The following HDAC9 variants were observed in gnomAD, a reference collection of about 807,000 sequenced individuals.
HDAC9 encodes the protein MEF-2 interacting transcription repressor (MITR) protein.
A neutral mutation model predicts 139.4 loss-of-function variants in HDAC9; 41 were observed. That is an observed-to-expected ratio of 0.29 (90% CI 0.23 to 0.38). HDAC9 has a LOEUF of 0.38. Among genes scored for constraint, HDAC9 ranks in the 10% least tolerant of loss-of-function variants. The pLI, the probability that HDAC9 is intolerant of heterozygous loss-of-function variation, is 1.00. For synonymous variants in HDAC9, 517 were observed against 476.2 expected, an observed-to-expected ratio of 1.09 and a Z score of -1.12; for missense variants, 1,147 against 1,297.0, an observed-to-expected ratio of 0.88 and a Z score of 1.78.
intron 7 of HDAC9, among the ~76,000 whole-genome samples, chr7:18,630,793 G>A (rs1288878919): frequency 1.3e-5 from 2 of 151,886 alleles, no homozygotes; most frequent in Admixed American, 6.6e-5. Context: ...AAAATCTTAG[G>A]TTTTTCTAAT....
rs1562892484 is a variant in HDAC9 at position 18,732,752 on chromosome 7, CACACACGTGTATGTGTGCGTATGTGT to C, written c.1909+5002_1909+5027del. Among the ~76,000 whole-genome samples the C allele has an allele frequency of 2.0e-3, 188 of 95,682 alleles. 7 individuals are homozygous for C. The highest frequency in any genetic ancestry group is 2.5e-3 in the Non-Finnish European group (128 of 51,822). 62.8% of individuals were successfully genotyped at this position (95,682 alleles called of 152,430 possible). ...ACACGTGTATGTGTGCGTATGTGTA[CACACACGTGTATGTGTGCGTATGTGT>C]ACACACACGTGTGTTTGTGTGCGTA... On this transcript the variant is annotated intron_variant, in intron 13 of 25. Transcript: ENST00000686413.
intron 1 of HDAC9, among the ~76,000 whole-genome samples, chr7:18,329,497 C>T (rs577282217): frequency 2.0e-5 from 3 of 149,856 alleles, no homozygotes; most frequent in African/African-American, 7.4e-5. Context: ...TGGTAAGTGT[C>T]GGCTTAAGAG....
intron 7 of HDAC9, among the ~76,000 whole-genome samples, chr7:18,634,178 G>A (rs902017703): frequency 1.3e-5 from 2 of 152,010 alleles, no homozygotes; most frequent in African/African-American, 4.8e-5. Flanking sequence ...ACAATTTACA[G>A]CACAGCATTT....
intron 1 of HDAC9, among the ~76,000 whole-genome samples, chr7:18,413,640 A>G (rs1256019502): frequency 1.3e-5 from 2 of 152,102 alleles, no homozygotes; most frequent in African/African-American, 2.4e-5. Context: ...ACTTTATACA[A>G]TTTGCTTGGT....
intron 2 of HDAC9, among the ~76,000 whole-genome samples, chr7:18,166,105 AT>A (rs1249664453): frequency 1.3e-5 from 2 of 152,166 alleles, no homozygotes; most frequent in African/African-American, 4.8e-5. Context: ...TGATGAATCT[AT>A]TTTTTGTAAT....
chr7:18,447,986 G>A (rs1385808987), intron 1 of HDAC9, among the ~76,000 whole-genome samples: 5 of 152,034 alleles, frequency 3.3e-5, no homozygotes, highest in Non-Finnish European at 5.9e-5. Flanking sequence ...GATTACAGAC[G>A]TGCACCACAA....
At chr7:18,748,334 T>C (rs184114695) in intron 13 of HDAC9, among the ~76,000 whole-genome samples, 10 of 152,360 alleles carry the variant, frequency 6.6e-5, no homozygotes, top group Admixed American at 2.6e-4. Context: ...TAATCTCTAG[T>C]AGTGGCATTG....
chr7:18,618,726 G>GTGTATATATATATA (rs71553930), intron 6 of HDAC9, among the ~76,000 whole-genome samples: 1 of 120,038 alleles, frequency 8.3e-6, no homozygotes, highest in African/African-American at 2.8e-5. Context: ...ACAGAATTTT[G>GTGTATATATATATA]TATATATATA....
rs545731541 is a variant in HDAC9 at position 18,621,743 on chromosome 7, C to T, written c.665-7607C>T. 3.3e-5 allele frequency among the ~76,000 whole-genome samples: 5 copies of T among 152,182 alleles called. No individual in the cohort carries two copies. The East Asian group carries it at 5.8e-4, about 18-fold the overall frequency. On this transcript the variant is annotated intron_variant, in intron 6 of 25. Coordinates refer to ENST00000686413, the MANE Select transcript of HDAC9 (RefSeq NM_178425.4). ...TCATAACATTAAAGGTTCATTTTAT[C>T]CCAGCCAGAAGAGGCATACATTGTA... is the stretch of plus-strand genomic sequence containing the variant.
chr7:18,873,392 T>A (rs1029930989), intron 21 of HDAC9, among the ~76,000 whole-genome samples: 1 of 152,176 alleles, frequency 6.6e-6, no homozygotes, highest in Non-Finnish European at 1.5e-5. Flanking sequence ...GGAAAAATAT[T>A]TCAATCATTT....
At chr7:18,769,225 C>A (rs1790080554) in intron 16 of HDAC9, among the ~76,000 whole-genome samples, 1 of 152,174 alleles carries the variant, frequency 6.6e-6, no homozygotes, top group Middle Eastern at 3.2e-3. Flanking sequence ...ATGCGAAGTT[C>A]CTCTACTCAA....
At chr7:18,329,049 G>A (rs1800694044) in intron 1 of HDAC9, among the ~76,000 whole-genome samples, 1 of 151,578 alleles carries the variant, frequency 6.6e-6, no homozygotes, top group Non-Finnish European at 1.5e-5. Context: ...TTCCATGTTT[G>A]TAGTTCATTT....
chr7:18,173,697 C>G (rs1788643727), intron 2 of HDAC9, among the ~76,000 whole-genome samples: 1 of 151,946 alleles, frequency 6.6e-6, no homozygotes, highest in Admixed American at 6.6e-5. Flanking sequence ...GATTTTATTT[C>G]TCCTTCACTT....
intron 16 of HDAC9, among the ~76,000 whole-genome samples, chr7:18,792,584 T>G (rs530368911): frequency 6.6e-5 from 10 of 152,316 alleles, no homozygotes; most frequent in African/African-American, 2.4e-4. Flanking sequence ...AGAATATTGG[T>G]ACATGCTTTG....
intron 12 of HDAC9, among the ~76,000 whole-genome samples, chr7:18,710,519 T>C (rs897580947): frequency 6.6e-6 from 1 of 152,142 alleles, no homozygotes; most frequent in African/African-American, 2.4e-5. Flanking sequence ...TACATACGTA[T>C]ATATATACAC....
intron 2 of HDAC9, among the ~76,000 whole-genome samples, chr7:18,211,451 G>A (rs1323520890): frequency 6.6e-6 from 1 of 152,190 alleles, no homozygotes. Flanking sequence ...GTCCTTGCAT[G>A]TGAAAATGAC....
At position 18,332,392 on chromosome 7, in the gene HDAC9, T is replaced by TGTGTGA. The variant is rs1491466092; in HGVS notation, c.-42+41878_-42+41879insTGTGAG. 5.9e-3 allele frequency among the ~76,000 whole-genome samples: 531 copies of TGTGTGA among 90,528 alleles called. 3 individuals carry two copies. The highest frequency in any genetic ancestry group is 0.021 in the African/African-American group (507 of 24,356). 59.4% of individuals were successfully genotyped at this position (90,528 alleles called of 152,430 possible). ...GTGTGTGTGTGTGTGTGTGTGTGTG[T>TGTGTGA]GAGAGAGAGAGAGAGAGAGATTTTT... On this transcript the variant is annotated intron_variant, in intron 1 of 3. Coordinates refer to the HDAC9 transcript ENST00000413509.
chr7:18,267,982 T>C (rs1246789570), intron 2 of HDAC9, among the ~76,000 whole-genome samples: 1 of 152,070 alleles, frequency 6.6e-6, no homozygotes, highest in Non-Finnish European at 1.5e-5. Flanking sequence ...TTACTCTTTC[T>C]TTACATAGTA....
intron 1 of HDAC9, among the ~76,000 whole-genome samples, chr7:18,400,140 G>GA (rs1787402229): frequency 6.6e-6 from 1 of 152,172 alleles, no homozygotes; most frequent in Non-Finnish European, 1.5e-5. Context: ...TTAGATGGAA[G>GA]AAGTACCATG....
Sources: gnomAD v4.1 joint callset for allele counts (sites outside exome capture counted in the v4.1 genomes callset) on GRCh38, gnomAD v4.1.1 for gene constraint, MANE v1.5 for transcripts, NCBI Gene and HGNC (gene_info 2026-07-23, HGNC 2026-07-21) for gene names.